Variants in RET observed in about 807,000 individuals in gnomAD.
The protein encoded by RET is proto-oncogene tyrosine-protein kinase receptor Ret.
A neutral mutation model predicts 118.3 loss-of-function variants in RET; 19 were observed. That is an observed-to-expected ratio of 0.16 (90% CI 0.11 to 0.24). The LOEUF (loss-of-function observed/expected upper bound fraction) is 0.24, where lower values mean the gene tolerates loss of function less well. Among genes scored for constraint, RET ranks in the 10% least tolerant of loss-of-function variants. The probability of loss-of-function intolerance (pLI) is 1.00; values close to 1 mark genes in which losing one functional copy is unlikely to be tolerated. For synonymous variants in RET, 597 were observed against 644.1 expected (o/e 0.93, Z 1.11); for missense variants, 1,219 against 1,502.1 (o/e 0.81, Z 3.12).
At position 43,126,805 on chromosome 10, in the gene RET, A is replaced by C. The variant is rs960040790; in HGVS notation, c.3187+83A>C. Reference sequence around the variant, plus strand: ...TTCCTCTCTGTGATGCTTTTTAAAAATGTTTCTGGTCTGAACAAAACCAAA... The same window carrying C: ...TTCCTCTCTGTGATGCTTTTTAAAACTGTTTCTGGTCTGAACAAAACCAAA... On this transcript the variant is annotated intron_variant, in intron 19 of 19. Coordinates refer to ENST00000355710, the MANE Select transcript of RET (RefSeq NM_020975.6). 5 of 1,560,356 alleles carry C rather than the reference A, an allele frequency of 3.2e-6. No homozygotes were observed. The African/African-American group carries it at 6.8e-5, about 21-fold the overall frequency.
rs55810667 is a variant in RET, at chr10:43,102,601, C to T, written c.597C>T (p.Asn199=). 1.2e-4 allele frequency: 195 copies of T among 1,614,226 alleles called. No individual in the cohort carries two copies. The highest frequency in any genetic ancestry group is 1.5e-4 in the Non-Finnish European group (180 of 1,180,060). The part of the protein sequence containing the change: ...RLLPVQFLCP[N]ISVAYRLLEG... ...TGCCTGTGCAGTTCTTGTGCCCCAA[C>T]ATCAGCGTGGCCTACAGGCTCCTGG... The change falls in exon 3 of 20, where the codon AAC becomes AAT. Residue 199 remains asparagine (N), a synonymous_variant. Transcript: ENST00000355710.
chr10:43,095,744 A>T (rs991162652), intron 1 of RET, among the ~76,000 whole-genome samples: 1 of 152,186 alleles, frequency 6.6e-6, no homozygotes, highest in African/African-American at 2.4e-5. Flanking sequence ...GCGTGCATAC[A>T]TATACACACA....
At chr10:43,112,057 C>A (rs749753178) in intron 7 of RET, 42 bp from the exon 8 acceptor site, 1 of 1,571,926 alleles carries the variant, frequency 6.4e-7, no homozygotes, top group Non-Finnish European at 8.6e-7. Flanking sequence ...GACGCTGGGC[C>A]CAGGCCAGCC....
rs1328129016 is a variant in RET, at chr10:43,083,367, A to C, written c.73+6036A>C. Among the ~76,000 whole-genome samples the C allele has an allele frequency of 2.6e-5, 4 of 152,348 alleles. No homozygotes were observed. In the East Asian group the frequency reaches 7.7e-4, roughly 29 times the overall value. ...TGTGAGACTGTACTTGGTGACAGGA[A>C]TGCCCCCCAGTCTCAGGGGCTTAAC... On this transcript the variant is annotated intron_variant, in intron 1 of 19. Coordinates refer to ENST00000355710, the MANE Select transcript of RET (RefSeq NM_020975.6).
intron 1 of RET, among the ~76,000 whole-genome samples, chr10:43,091,704 G>A (rs1242154382): frequency 2.0e-5 from 3 of 149,768 alleles, no homozygotes; most frequent in Non-Finnish European, 4.4e-5. Flanking sequence ...CTCCGAATAA[G>A]ATTTACAGAT....
intron 18 of RET, 93 bp downstream of exon 18, chr10:43,125,075 C>A: frequency 9.0e-7 from 1 of 1,116,148 alleles, no homozygotes; most frequent in South Asian, 1.3e-5. Flanking sequence ...TCAGAGTTCC[C>A]AGTGTGGGGC....
At chr10:43,101,436 G>A (rs1837640534) in intron 2 of RET, among the ~76,000 whole-genome samples, 1 of 152,272 alleles carries the variant, frequency 6.6e-6, no homozygotes, top group African/African-American at 2.4e-5. Context: ...AGGCCTATCT[G>A]CCAGGGACAG....
At chr10:43,125,542 G>A (rs995717440) in intron 18 of RET, among the ~76,000 whole-genome samples, 2 of 152,150 alleles carry the variant, frequency 1.3e-5, no homozygotes, top group South Asian at 2.1e-4. Context: ...TCCCAGAGCC[G>A]AACGCAGGCC....
intron 1 of RET, among the ~76,000 whole-genome samples, chr10:43,096,705 T>C (rs1030289531): frequency 2.0e-5 from 3 of 152,144 alleles, no homozygotes; most frequent in Admixed American, 6.5e-5. Flanking sequence ...TCCCCAGCTC[T>C]CCCCTGTGGC....
At position 43,106,358 on chromosome 10, in the gene RET, G is replaced by A. The variant is rs57098408; in HGVS notation, c.868-18G>A. On this transcript the variant is annotated intron_variant, in intron 4 of 19. Transcript: ENST00000355710. The surrounding 1 kb of genome is among the most constrained non-coding windows in gnomAD (Gnocchi z 5.1). ...GCCCATCTCGCCTGCACTGACCAAC[G>A]CCCTCTGCATCCTGCAGGACACCGT... 2,806 of 1,606,072 alleles carry A rather than the reference G, an allele frequency of 1.7e-3. 59 individuals are homozygous for A. The African/African-American group carries it at 0.033, about 19-fold the overall frequency.
chr10:43,118,430 A>G lies in RET; in HGVS notation c.2342A>G (p.Gln781Arg), dbSNP rs377767416. Residue 781 changes from glutamine to arginine, a missense_variant, in exon 13 of 20, where the codon CAG becomes CGG. Gln to Arg is a conservative substitution (Grantham distance 43). This residue lies in a region of RET where 850 missense variants were observed against 969.6 expected (regional missense o/e 0.88). Transcript: ENST00000355710. ...CTGTCAGAGTTCAACGTCCTGAAGC[A>G]GGTCAACCACCCACATGTCATCAAA... ...DLLSEFNVLK[Q>R]VNHPHVIKLY... The G allele has an allele frequency of 2.5e-6, 4 of 1,614,162 alleles. No homozygotes were observed. The highest frequency in any genetic ancestry group is 3.3e-5 in the Admixed American group (2 of 60,028).
intron 13 of RET, 42 bp downstream of exon 13, chr10:43,118,522 A>T (rs1838128228): frequency 6.9e-7 from 1 of 1,443,256 alleles, no homozygotes; most frequent in African/African-American, 1.4e-5. Context: ...CACTGCACCC[A>T]GGCTGGGGGC....
At chr10:43,099,308 G>A (rs532862287) in intron 1 of RET, among the ~76,000 whole-genome samples, 481 of 152,158 alleles carry the variant, frequency 3.2e-3, no homozygotes, top group Middle Eastern at 6.8e-3. Context: ...TTGAGAGTTC[G>A]AGACCAGCCT....
chr10:43,105,337 G>C, intron 4 of RET, 144 bp downstream of exon 4: 1 of 1,303,998 alleles, frequency 7.7e-7, no homozygotes, highest in Non-Finnish European at 1.1e-6. Context: ...CGTCTGCGCC[G>C]TCTGTCCTAG....
At chr10:43,113,709 C>T (rs1588873526) in intron 10 of RET, 34 bp downstream of exon 10, 6 of 1,611,420 alleles carry the variant, frequency 3.7e-6, no homozygotes, top group Non-Finnish European at 5.1e-6. Context: ...ACCACCACCT[C>T]CCAGCCCCAC....
rs864622467 is a variant in RET, at chr10:43,105,145, C to T, written c.819C>T (p.Pro273=). 1.2e-6 allele frequency: 2 copies of T among 1,612,680 alleles called. No homozygotes were observed. ...YDEDDSAPTF[P]AGVDTASAVV... ...AGGACGACTCGGCGCCCACCTTCCC[C>T]GCGGGCGTCGACACCGCCAGCGCCG... The change falls in exon 4 of 20, where the codon CCC becomes CCT. Residue 273 remains proline (P), a synonymous_variant. Coordinates refer to ENST00000355710, the MANE Select transcript of RET (RefSeq NM_020975.6).
intron 8 of RET, 127 bp from the exon 9 acceptor site, chr10:43,112,726 T>G: frequency 1.3e-6 from 1 of 746,244 alleles, no homozygotes; most frequent in Non-Finnish European, 2.4e-6. Flanking sequence ...CAAGGCTCTG[T>G]ATATGGTGTT....
chr10:43,123,798 A>T lies in RET; in HGVS notation c.2929A>T (p.Ser977Cys). ...GHRMERPDNCSEEMYRLMLQC... is the reference protein window; with the variant it reads ...GHRMERPDNCCEEMYRLMLQC... ...CCGGATGGAGAGGCCAGACAACTGCAGCGAGGAGATGTGAGCGGGGACTGG... is the reference window on the plus strand; with the variant it reads ...CCGGATGGAGAGGCCAGACAACTGCTGCGAGGAGATGTGAGCGGGGACTGG... The change falls in exon 17 of 20, where the codon AGC (serine) becomes TGC (cysteine). Residue 977 changes from serine to cysteine, a missense_variant. Physicochemically the swap from Ser to Cys is moderately radical, Grantham distance 112. This residue lies in a region of RET where 174 missense variants were observed against 179.3 expected (regional missense o/e 0.97). Transcript: ENST00000355710. 1 of 1,614,106 alleles carries T rather than the reference A, an allele frequency of 6.2e-7. No individual in the cohort carries two copies. Among genetic ancestry groups the T allele is most frequent in the Non-Finnish European group, 8.5e-7 (1 of 1,180,044 alleles).
At chr10:43,120,013 A>T in intron 14 of RET, 68 bp from the exon 15 acceptor site, 10 of 1,601,276 alleles carry the variant, frequency 6.2e-6, no homozygotes, top group African/African-American at 1.3e-5. Flanking sequence ...TGCTGGTCAC[A>T]CCAGGCTGAG....
Sources: gnomAD v4.1 joint callset for allele counts (sites outside exome capture counted in the v4.1 genomes callset) on GRCh38, gnomAD v4.1.1 for gene constraint, gnomAD v4.1.1 regional missense constraint, Gnocchi (gnomAD v3.1) non-coding constraint, MANE v1.5 for transcripts, NCBI Gene and HGNC (gene_info 2026-07-23, HGNC 2026-07-21) for gene names.